Variants in CACNG4 observed in about 807,000 individuals in gnomAD.
CACNG4 encodes the protein calcium voltage-gated channel auxiliary subunit gamma 4, also known as voltage-dependent calcium channel gamma-4 subunit.
A neutral mutation model predicts 22.9 loss-of-function variants in CACNG4; 8 were observed. That is an observed-to-expected ratio of 0.35 (90% confidence interval 0.21 to 0.63). CACNG4 has a LOEUF of 0.63. Ranked by LOEUF, CACNG4 falls within the 30% of genes least tolerant of loss-of-function variation. The pLI is 0.72. For synonymous variants in CACNG4, 188 were observed against 191.9 expected, an observed-to-expected ratio of 0.98 and a Z score of 0.17; for missense variants, 357 against 455.4, an observed-to-expected ratio of 0.78 and a Z score of 1.97.
chr17:66,996,573 G>A (rs1032015654), intron 1 of CACNG4, among the ~76,000 whole-genome samples: 1 of 151,982 alleles, frequency 6.6e-6, no homozygotes, highest in African/African-American at 2.4e-5. Flanking sequence ...TAGAGACAGG[G>A]TTTCACCATG....
At chr17:66,967,116 C>G (rs2035175791) in intron 1 of CACNG4, among the ~76,000 whole-genome samples, 2 of 152,212 alleles carry the variant, frequency 1.3e-5, no homozygotes, top group African/African-American at 4.8e-5. Flanking sequence ...GCCAGCAAAC[C>G]TGGCTTCCTT....
chr17:67,011,535 G>A (rs530781246), intron 1 of CACNG4, among the ~76,000 whole-genome samples: 2 of 152,266 alleles, frequency 1.3e-5, no homozygotes, highest in Admixed American at 1.3e-4. Context: ...ACCAGAATGA[G>A]AGCTCCGTGA....
chr17:66,981,850 C>G (rs992574362), intron 1 of CACNG4, among the ~76,000 whole-genome samples: 13 of 152,192 alleles, frequency 8.5e-5, no homozygotes, highest in African/African-American at 2.9e-4. Flanking sequence ...ATCTTTGTAA[C>G]AGCTATAATT....
intron 1 of CACNG4, among the ~76,000 whole-genome samples, chr17:66,970,205 A>G (rs2035195483): frequency 1.3e-5 from 2 of 152,228 alleles, no homozygotes; most frequent in Non-Finnish European, 2.9e-5. Flanking sequence ...CACTCCCCGG[A>G]TCACGGCCAA....
At chr17:67,001,851 G>A (rs773650115) in intron 1 of CACNG4, among the ~76,000 whole-genome samples, 48 of 152,212 alleles carry the variant, frequency 3.2e-4, no homozygotes, top group Non-Finnish European at 3.5e-4. Flanking sequence ...TGGGCAGGAC[G>A]CAGGCAGGAT....
intron 1 of CACNG4, among the ~76,000 whole-genome samples, chr17:66,986,059 C>T (rs1031719024): frequency 3.9e-5 from 6 of 152,238 alleles, no homozygotes; most frequent in African/African-American, 1.4e-4. Context: ...CTACCAGGGG[C>T]CCCCGGCCCT....
intron 2 of CACNG4, among the ~76,000 whole-genome samples, chr17:67,024,255 A>G (rs2143367497): frequency 6.6e-6 from 1 of 152,328 alleles, no homozygotes; most frequent in East Asian, 1.9e-4. Flanking sequence ...GCCCAGTGCT[A>G]TGCACCTTAC....
At chr17:66,969,035 C>T (rs919272575) in intron 1 of CACNG4, among the ~76,000 whole-genome samples, 1 of 152,090 alleles carries the variant, frequency 6.6e-6, no homozygotes, top group African/African-American at 2.4e-5. Context: ...GGGTAGTAAA[C>T]CTTTCTTCAA....
rs1334879984 is a variant in CACNG4, at chr17:67,009,346, T to C, written c.221-8843T>C. Among the ~76,000 whole-genome samples the C allele has an allele frequency of 2.0e-5, 3 of 150,878 alleles. No homozygotes were observed. The South Asian group carries it at 6.3e-4, about 32-fold the overall frequency. On this transcript the variant is annotated intron_variant, in intron 1 of 3. Coordinates refer to ENST00000262138, the MANE Select transcript of CACNG4 (RefSeq NM_014405.4). ...CTGGAATGATCTTGGCCAAGTCACT[T>C]CCATCCTGGCCTCCAGTCCCTCTTC...
rs114836644 is a variant in CACNG4, at chr17:66,990,199, G to T, written c.220+25068G>T. 8.1e-3 allele frequency among the ~76,000 whole-genome samples: 1,237 copies of T among 152,276 alleles called. 20 individuals are homozygous for T. Among genetic ancestry groups the T allele is most frequent in the African/African-American group, 0.028 (1,183 of 41,538 alleles). ...CACTGGTTGTTGGCAGAATTGACCC[G>T]GTTGTGGTTATGAGACAAAGACTGC... On this transcript the variant is annotated intron_variant, in intron 1 of 3. Transcript: ENST00000262138.
chr17:66,974,065 T>C (rs1165272117), intron 1 of CACNG4, among the ~76,000 whole-genome samples: 1 of 152,028 alleles, frequency 6.6e-6, no homozygotes, highest in Non-Finnish European at 1.5e-5. Context: ...CCTTCAACCA[T>C]AAAAGGAAGA....
intron 1 of CACNG4, among the ~76,000 whole-genome samples, chr17:66,987,535 G>T (rs1394005915): frequency 6.6e-6 from 1 of 152,188 alleles, no homozygotes; most frequent in Non-Finnish European, 1.5e-5. Context: ...GGTGATGGAA[G>T]AGCTGAGAAG....
intron 1 of CACNG4, among the ~76,000 whole-genome samples, chr17:66,981,727 A>T (rs2035274756): frequency 6.6e-6 from 1 of 152,168 alleles, no homozygotes; most frequent in African/African-American, 2.4e-5. Flanking sequence ...CTCTGTTTAG[A>T]GTCCAGAATT....
chr17:66,982,205 T>C, intron 1 of CACNG4, among the ~76,000 whole-genome samples: 1 of 152,374 alleles, frequency 6.6e-6, no homozygotes, highest in East Asian at 1.9e-4. Flanking sequence ...CGCTGCTGGC[T>C]AGGGTGGCCA....
intron 3 of CACNG4, among the ~76,000 whole-genome samples, chr17:67,029,259 G>A (rs1036802150): frequency 5.3e-5 from 8 of 152,176 alleles, no homozygotes; most frequent in African/African-American, 1.9e-4. Flanking sequence ...TTGAACCCAG[G>A]AGGCGGAGGT....
chr17:67,004,967 G>A (rs953671239), intron 1 of CACNG4, among the ~76,000 whole-genome samples: 2 of 152,078 alleles, frequency 1.3e-5, no homozygotes, highest in Admixed American at 6.6e-5. Flanking sequence ...CAAGCAATCC[G>A]CCCACTTCAG....
chr17:67,032,207 G>A lies in CACNG4; in HGVS notation c.*1203G>A, dbSNP rs903600584. Reference sequence around the variant, plus strand: ...TGGGCTTCTCTTCCTCCCTACAGAGGGGAGATCTCAGCACTTTGTCCGGAG... The same window carrying A: ...TGGGCTTCTCTTCCTCCCTACAGAGAGGAGATCTCAGCACTTTGTCCGGAG... On this transcript the variant is annotated 3_prime_UTR_variant, in exon 4 of 4. Coordinates refer to ENST00000262138, the MANE Select transcript of CACNG4 (RefSeq NM_014405.4). The A allele has an allele frequency of 1.5e-4, 52 of 356,886 alleles. No individual in the cohort carries two copies. The highest frequency in any genetic ancestry group is 1.1e-3 in the Middle Eastern group (3 of 2,632). 22.1% of individuals were successfully genotyped at this position (356,886 alleles called of 1,614,324 possible).
chr17:66,990,892 GGATGGTCTC>G (rs1567752985), intron 1 of CACNG4, among the ~76,000 whole-genome samples: 1 of 151,934 alleles, frequency 6.6e-6, no homozygotes, highest in Non-Finnish European at 1.5e-5. Context: ...GTGTTAGTCA[GGATGGTCTC>G]GATCTCCTGA....
intron 1 of CACNG4, among the ~76,000 whole-genome samples, chr17:66,982,246 G>A (rs1019907921): frequency 2.0e-5 from 3 of 152,178 alleles, no homozygotes; most frequent in African/African-American, 7.2e-5. Context: ...CCCCGCCCAT[G>A]TCCTGCTGAT....
Sources: allele counts gnomAD v4.1 joint callset (sites outside exome capture counted in the v4.1 genomes callset), GRCh38; gene constraint gnomAD v4.1.1; transcripts MANE v1.5; gene names NCBI Gene and HGNC (gene_info 2026-07-23, HGNC 2026-07-21).